The following LMTK2 variants were observed in gnomAD, a reference collection of about 807,000 sequenced individuals.
LMTK2 encodes serine/threonine-protein kinase LMTK2.
A neutral mutation model predicts 127.5 loss-of-function variants in LMTK2; 37 were observed. That is an observed-to-expected ratio of 0.29 (90% confidence interval 0.22 to 0.38). The LOEUF is 0.38. LMTK2 is among the 10% of genes least tolerant of loss of function. LMTK2 has a pLI of 1.00. For synonymous variants in LMTK2, 819 were observed against 810.1 expected, an observed-to-expected ratio of 1.01 and a Z score of -0.19; for missense variants, 1,694 against 1,920.3, an observed-to-expected ratio of 0.88 and a Z score of 2.20.
intron 2 of LMTK2, among the ~76,000 whole-genome samples, chr7:98,138,719 A>G (rs1342823248): frequency 1.3e-5 from 2 of 152,190 alleles, no homozygotes; most frequent in Non-Finnish European, 2.9e-5. Flanking sequence ...ATAAAGCCTG[A>G]TCAGTGTTGC....
chr7:98,192,085 T>C lies in LMTK2; in HGVS notation c.1620T>C (p.Phe540=), dbSNP rs761543824. ...GGGTCCCTGGAGTGGTTCCTGTTTT[T>C]GATGCCCACAACCTTTCTGTTGGAA... The part of the protein sequence containing the change: ...PLRVPGVVPV[F]DAHNLSVGSD... The change falls in exon 11 of 14, where the codon TTT becomes TTC. Residue 540 remains phenylalanine, a synonymous_variant. Transcript: ENST00000297293. 3.8e-6 allele frequency: 6 copies of C among 1,571,306 alleles called. No individual in the cohort carries two copies. In the African/African-American group the frequency reaches 8.2e-5, roughly 21 times the overall value.
intron 7 of LMTK2, among the ~76,000 whole-genome samples, chr7:98,178,338 A>C (rs919140339): frequency 2.8e-4 from 43 of 152,208 alleles, no homozygotes; most frequent in African/African-American, 8.7e-4. Context: ...AGACGCGCAA[A>C]CTAGTCCTAG....
At chr7:98,165,617 G>A (rs1247090107) in intron 6 of LMTK2, among the ~76,000 whole-genome samples, 2 of 151,916 alleles carry the variant, frequency 1.3e-5, no homozygotes, top group African/African-American at 2.4e-5. Context: ...TTTTATACCA[G>A]GTGGTTTAAT....
intron 3 of LMTK2, among the ~76,000 whole-genome samples, chr7:98,143,275 A>G (rs1216103113): frequency 6.6e-6 from 1 of 152,160 alleles, no homozygotes; most frequent in Non-Finnish European, 1.5e-5. Flanking sequence ...TCATCTTGGG[A>G]TACGAGAGGC....
At chr7:98,191,389 TA>T (rs1263641424) in intron 10 of LMTK2, among the ~76,000 whole-genome samples, 1 of 152,028 alleles carries the variant, frequency 6.6e-6, no homozygotes, top group Non-Finnish European at 1.5e-5. Context: ...CCGTCTGTAC[TA>T]AAAATACAAA....
rs1797843741 is a variant in LMTK2 at position 98,208,586 on chromosome 7, G to A, written c.*3094G>A. On this transcript the variant is annotated 3_prime_UTR_variant, in exon 14 of 14. Transcript: ENST00000297293. Reference sequence around the variant, plus strand: ...AATTAGTCCTGTTTTGGTGGAGTTTGTACATTTTAAATCCTATAACAAAAA... The same window carrying A: ...AATTAGTCCTGTTTTGGTGGAGTTTATACATTTTAAATCCTATAACAAAAA... 1 of 152,188 alleles carries A rather than the reference G, an allele frequency of 6.6e-6. No homozygotes were observed. Among genetic ancestry groups the A allele is most frequent in the African/African-American group, 2.4e-5 (1 of 41,444 alleles). The allele number at this position is 152,188 out of a possible 1,614,324, so 9.4% of individuals were successfully genotyped here. A position where few individuals can be genotyped will look rare whatever the true frequency, so the allele number is the denominator to read the frequency against.
At chr7:98,134,115 G>T (rs1208220663) in intron 1 of LMTK2, among the ~76,000 whole-genome samples, 2 of 152,350 alleles carry the variant, frequency 1.3e-5, no homozygotes, top group East Asian at 3.9e-4. Context: ...CCTAAACTCA[G>T]TCTGGCCTGC....
In LMTK2 at chr7:98,207,915, C is replaced by G. The variant is rs1797833698; in HGVS notation, c.*2423C>G. On this transcript the variant is annotated 3_prime_UTR_variant, in exon 14 of 14. Transcript: ENST00000297293. ...ACCAGCCTGGGCAACATGGCGAAACCTCGTCTCTACTAAAAATACAAAATA... is the reference window on the plus strand; with the variant it reads ...ACCAGCCTGGGCAACATGGCGAAACGTCGTCTCTACTAAAAATACAAAATA... 1 of 142,018 alleles carries G rather than the reference C, an allele frequency of 7.0e-6. No individual in the cohort carries two copies. The highest frequency in any genetic ancestry group is 2.3e-4 in the South Asian group (1 of 4,310). 8.8% of individuals were successfully genotyped at this position (142,018 alleles called of 1,614,324 possible).
intron 12 of LMTK2, 110 bp from the exon 13 acceptor site, chr7:98,203,834 A>C: frequency 6.3e-7 from 1 of 1,574,862 alleles, no homozygotes; most frequent in Non-Finnish European, 8.7e-7. Flanking sequence ...GCCATCTGCC[A>C]GCCGGGCCGG....
intron 1 of LMTK2, among the ~76,000 whole-genome samples, chr7:98,108,946 C>A: frequency 6.6e-6 from 1 of 151,166 alleles, no homozygotes; most frequent in East Asian, 1.9e-4. Context: ...GACTGCAACC[C>A]CCCCCTTCCG....
At chr7:98,174,987 T>G (rs1376733128) in intron 7 of LMTK2, among the ~76,000 whole-genome samples, 1 of 152,002 alleles carries the variant, frequency 6.6e-6, no homozygotes, top group Non-Finnish European at 1.5e-5. Flanking sequence ...GTTCTGTGAG[T>G]AGTGATTTGA....
chr7:98,144,045 AT>A (rs977477314), intron 3 of LMTK2, among the ~76,000 whole-genome samples: 21 of 151,994 alleles, frequency 1.4e-4, no homozygotes, highest in African/African-American at 4.6e-4. Context: ...AAGTTCTACC[AT>A]TTTTTTCTTT....
rs937296177 is a variant in LMTK2, at chr7:98,106,870, A to T, written c.-308A>T. 9.0e-6 allele frequency: 4 copies of T among 442,708 alleles called. No individual in the cohort carries two copies. The highest frequency in any genetic ancestry group is 4.7e-5 in the South Asian group (1 of 21,314). 27.4% of individuals were successfully genotyped at this position (442,708 alleles called of 1,614,324 possible). A position where few individuals can be genotyped will look rare whatever the true frequency, so the allele number is the denominator to read the frequency against. Reference sequence around the variant, plus strand: ...TCCCGCCCCCGCGCTACGTCACATGACGCAGCCCATCATGGCGGCGGGAGC... The same window carrying T: ...TCCCGCCCCCGCGCTACGTCACATGTCGCAGCCCATCATGGCGGCGGGAGC... On this transcript the variant is annotated 5_prime_UTR_variant, in exon 1 of 14. Coordinates refer to ENST00000297293, the MANE Select transcript of LMTK2 (RefSeq NM_014916.4).
rs776004319 is a variant in LMTK2 at position 98,194,389 on chromosome 7, C to T, written c.3924C>T (p.Ser1308=). The part of the protein sequence containing the change: ...LRAFNLHSLS[S]ESEDETEHPV... ...CCTTCAACCTGCATAGCCTCAGCTC[C>T]GAGTCGGAGGACGAGACCGAGCACC... The change falls in exon 11 of 14, where the codon TCC becomes TCT. Residue 1308 remains serine, a synonymous_variant. Transcript: ENST00000297293. The surrounding 1 kb of genome is among the most constrained non-coding windows in gnomAD (Gnocchi z 5.4). The T allele has an allele frequency of 1.3e-5, 21 of 1,614,046 alleles. No homozygotes were observed. Among genetic ancestry groups the T allele is most frequent in the East Asian group, 4.5e-5 (2 of 44,896 alleles).
chr7:98,148,315 C>T (rs1389042085), intron 3 of LMTK2, among the ~76,000 whole-genome samples: 1 of 151,474 alleles, frequency 6.6e-6, no homozygotes, highest in South Asian at 2.1e-4. Context: ...CATGGAGAAA[C>T]CCTGTCTCCA....
At chr7:98,147,412 G>A (rs1438433574) in intron 3 of LMTK2, among the ~76,000 whole-genome samples, 1 of 152,088 alleles carries the variant, frequency 6.6e-6, no homozygotes, top group Non-Finnish European at 1.5e-5. Flanking sequence ...TATAGAGGCA[G>A]CATCTCACTG....
chr7:98,199,774 C>T (rs1267326890), intron 11 of LMTK2, among the ~76,000 whole-genome samples: 1 of 152,246 alleles, frequency 6.6e-6, no homozygotes, highest in East Asian at 1.9e-4. Context: ...GGATTACAGG[C>T]GTGAGCCACC....
intron 6 of LMTK2, among the ~76,000 whole-genome samples, chr7:98,167,387 T>A (rs1300364761): frequency 6.6e-6 from 1 of 152,132 alleles, no homozygotes; most frequent in African/African-American, 2.4e-5. Context: ...ACGGTTGGAT[T>A]TATGTTTTCA....
intron 1 of LMTK2, among the ~76,000 whole-genome samples, chr7:98,122,455 A>G (rs1796377076): frequency 6.6e-6 from 1 of 152,124 alleles, no homozygotes; most frequent in African/African-American, 2.4e-5. Flanking sequence ...TTCAAGAGTC[A>G]CGGACAGGTA....
Sources: gnomAD v4.1 joint callset for allele counts (sites outside exome capture counted in the v4.1 genomes callset) on GRCh38, gnomAD v4.1.1 for gene constraint, Gnocchi (gnomAD v3.1) non-coding constraint, MANE v1.5 for transcripts, NCBI Gene and HGNC (gene_info 2026-07-23, HGNC 2026-07-21) for gene names.